Variants in DCDC2C observed in about 807,000 individuals in gnomAD.
DCDC2C encodes the protein doublecortin domain-containing protein 2C.
In DCDC2C, 44 loss-of-function variants were observed where a neutral mutation model predicts 45.0. That is an observed-to-expected ratio of 0.98 (90% CI 0.77 to 1.26). DCDC2C has a LOEUF of 1.26. DCDC2C is among the 50% of genes most tolerant of loss of function. The pLI is 0.00. For missense variants in DCDC2C, 447 were observed against 468.9 expected, an observed-to-expected ratio of 0.95 and a Z score of 0.43; for synonymous variants, 187 against 178.8, an observed-to-expected ratio of 1.05 and a Z score of -0.37.
chr2:3,752,062 T>C (rs1346011426), intron 4 of DCDC2C, among the ~76,000 whole-genome samples: 2 of 152,174 alleles, frequency 1.3e-5, no homozygotes, highest in South Asian at 2.1e-4. Context: ...GCCGACCCTG[T>C]TGCAAGTTCC....
intron 10 of DCDC2C, among the ~76,000 whole-genome samples, chr2:3,831,177 C>T (rs79305671): frequency 6.6e-6 from 1 of 151,992 alleles, no homozygotes; most frequent in South Asian, 2.1e-4. Context: ...TGTAGACAGC[C>T]CTCTTCCAAA....
chr2:3,832,739 C>T (rs1671980512), intron 10 of DCDC2C, among the ~76,000 whole-genome samples: 1 of 152,200 alleles, frequency 6.6e-6, no homozygotes, highest in African/African-American at 2.4e-5. Context: ...GGTGTGGCCC[C>T]AGCACTGAGC....
chr2:3,776,747 G>A (rs1670352222), intron 8 of DCDC2C, among the ~76,000 whole-genome samples: 1 of 152,192 alleles, frequency 6.6e-6, no homozygotes, highest in Non-Finnish European at 1.5e-5. Context: ...AGGAACATAT[G>A]CACATCTGCT....
intron 10 of DCDC2C, among the ~76,000 whole-genome samples, chr2:3,800,621 A>C (rs1289484869): frequency 3.3e-5 from 5 of 149,734 alleles, no homozygotes; most frequent in East Asian, 2.1e-4. Context: ...CTTTTTCTTG[A>C]GATAATCGTG....
At chr2:3,828,529 T>C (rs1671881053) in intron 10 of DCDC2C, among the ~76,000 whole-genome samples, 1 of 152,196 alleles carries the variant, frequency 6.6e-6, no homozygotes, top group Non-Finnish European at 1.5e-5. Flanking sequence ...GCCTTCAAAG[T>C]CTCTGAGCCG....
chr2:3,756,194 T>C (rs1225196758), intron 6 of DCDC2C, among the ~76,000 whole-genome samples: 1 of 152,186 alleles, frequency 6.6e-6, no homozygotes, highest in African/African-American at 2.4e-5. Flanking sequence ...AGCTGGGTCC[T>C]AGAGGGGCTT....
chr2:3,798,412 G>C (rs1234940153), intron 10 of DCDC2C, among the ~76,000 whole-genome samples: 1 of 150,992 alleles, frequency 6.6e-6, no homozygotes, highest in Non-Finnish European at 1.5e-5. Flanking sequence ...ATCCTGTCAT[G>C]ATGATGTTAG....
intron 2 of DCDC2C, among the ~76,000 whole-genome samples, chr2:3,714,868 C>T (rs974055118): frequency 6.6e-6 from 1 of 152,128 alleles, no homozygotes; most frequent in Non-Finnish European, 1.5e-5. Context: ...CACTGTTTGC[C>T]GTTTGCTGTT....
In DCDC2C at chr2:3,830,506, A is replaced by G. The variant is rs569011695; in HGVS notation, c.1066-16648A>G. ...GCCCCATGTCCTCATTGGTAAGATG[A>G]GGCCAAGGAATTAGATGCTCCTTCT... On this transcript the variant is annotated intron_variant, in intron 10 of 10. Transcript: ENST00000399143. 3.0e-4 allele frequency among the ~76,000 whole-genome samples: 46 copies of G among 152,300 alleles called. 2 individuals are homozygous for G. The highest frequency in any genetic ancestry group is 2.7e-3 in the Admixed American group (41 of 15,306).
intron 3 of DCDC2C, among the ~76,000 whole-genome samples, chr2:3,739,335 C>T (rs1361687827): frequency 1.2e-4 from 19 of 152,206 alleles, no homozygotes; most frequent in Admixed American, 1.2e-3. Flanking sequence ...AATGGACCTG[C>T]GTGAGGTCAG....
chr2:3,734,722 C>T lies in DCDC2C; in HGVS notation c.417-7198C>T, dbSNP rs1668970448. Among the ~76,000 whole-genome samples the T allele has an allele frequency of 6.6e-6, 1 of 152,170 alleles. No homozygotes were observed. Among genetic ancestry groups the T allele is most frequent in the Non-Finnish European group, 1.5e-5 (1 of 68,036 alleles). ...CACAGGCAGGAGACATGCCTCAAGT[C>T]CTGAGCTCGGTGAAGCTCTCGCAAT... is the stretch of plus-strand genomic sequence containing the variant. On this transcript the variant is annotated intron_variant, in intron 3 of 10. Transcript: ENST00000399143. This position sits in a 1 kb window ranked among gnomAD's most constrained non-coding sequence, Gnocchi z 4.2.
intron 2 of DCDC2C, among the ~76,000 whole-genome samples, chr2:3,717,348 T>C (rs533791638): frequency 2.4e-4 from 37 of 152,300 alleles, no homozygotes; most frequent in Non-Finnish European, 4.4e-4. Context: ...ACCCAATTGT[T>C]ATTTTGTGTT....
Position 3,834,388 on chromosome 2 carries a change from A to T in DCDC2C, c.1066-12766A>T, listed in dbSNP as rs936330369. ...ACAAACCTGTTGTAATCACTGTACA[A>T]TGGGTCTCTTTACTACCTCCATGGT... is the stretch of plus-strand genomic sequence containing the variant. On this transcript the variant is annotated intron_variant, in intron 10 of 10. Transcript: ENST00000399143. 2.0e-5 allele frequency among the ~76,000 whole-genome samples: 3 copies of T among 152,184 alleles called. No individual in the cohort carries two copies. The East Asian group carries it at 5.8e-4, about 29-fold the overall frequency.
chr2:3,710,850 C>T (rs555833071), intron 2 of DCDC2C, among the ~76,000 whole-genome samples: 24 of 152,284 alleles, frequency 1.6e-4, no homozygotes, highest in African/African-American at 5.8e-4. Context: ...TTTCTTTATC[C>T]AGTCCACCAC....
chr2:3,708,828 T>C (rs1668134526), intron 2 of DCDC2C, among the ~76,000 whole-genome samples: 1 of 152,186 alleles, frequency 6.6e-6, no homozygotes, highest in Non-Finnish European at 1.5e-5. Context: ...CAGAGGGAGA[T>C]AGTCATCTCT....
At chr2:3,710,522 G>T (rs1668176896) in intron 2 of DCDC2C, among the ~76,000 whole-genome samples, 1 of 152,120 alleles carries the variant, frequency 6.6e-6, no homozygotes, top group Admixed American at 6.5e-5. Flanking sequence ...CCATGTCCCT[G>T]CATGAGTACA....
chr2:3,708,195 G>C lies in DCDC2C; in HGVS notation c.288-354G>C, dbSNP rs570563717. ...TTGTTCCGACCTTAGCCTGTCATGG[G>C]AACATTGATGAGCTCGCAGTTCTGG... On this transcript the variant is annotated intron_variant, in intron 1 of 10. Transcript: ENST00000399143. 2.6e-5 allele frequency among the ~76,000 whole-genome samples: 4 copies of C among 152,294 alleles called. No homozygotes were observed. The East Asian group carries it at 7.7e-4, about 29-fold the overall frequency.
chr2:3,813,385 T>C (rs984217213), intron 10 of DCDC2C, among the ~76,000 whole-genome samples: 34 of 152,100 alleles, frequency 2.2e-4, no homozygotes, highest in Non-Finnish European at 4.6e-4. Context: ...TATATTCTGT[T>C]GATTTGGGGT....
intron 2 of DCDC2C, among the ~76,000 whole-genome samples, chr2:3,720,749 C>A (rs1558562287): frequency 6.6e-6 from 1 of 152,068 alleles, no homozygotes; most frequent in African/African-American, 2.4e-5. Flanking sequence ...CTGGGGCAAA[C>A]CCCACTTGAT....
Sources: allele counts gnomAD v4.1 joint callset (sites outside exome capture counted in the v4.1 genomes callset), GRCh38; gene constraint gnomAD v4.1.1; non-coding constraint Gnocchi (gnomAD v3.1); transcripts MANE v1.5; gene names NCBI Gene and HGNC (gene_info 2026-07-23, HGNC 2026-07-21).